COL9A3: variants seen among roughly 807,000 people sequenced by gnomAD.
COL9A3 encodes collagen alpha-3(IX) chain.
COL9A3 carries 82 observed loss-of-function variants against 110.2 expected under a neutral mutation model. That is an observed-to-expected ratio of 0.74 (90% CI 0.62 to 0.89). COL9A3 has a LOEUF of 0.89. COL9A3 is among the 40% of genes least tolerant of loss of function. The probability of loss-of-function intolerance (pLI) is 0.00; values close to 1 mark genes in which losing one functional copy is unlikely to be tolerated. For missense variants in COL9A3, 1,066 were observed against 981.3 expected (o/e 1.09, Z -1.15); for synonymous variants, 494 against 403.8 (o/e 1.22, Z -2.68).
chr20:62,820,096 C>T, intron 5 of COL9A3, 114 bp downstream of exon 5: 1 of 1,239,918 alleles, frequency 8.1e-7, no homozygotes, highest in Non-Finnish European at 1.2e-6. Flanking sequence ...GGACAGCTGC[C>T]CTGCCCGTGC....
At chr20:62,822,215 T>A in intron 9 of COL9A3, 51 bp downstream of exon 9, 1 of 1,045,232 alleles carries the variant, frequency 9.6e-7, no homozygotes, top group Non-Finnish European at 1.5e-6. Context: ...ACTAGGACAC[T>A]GGGTTGGACC....
At chr20:62,819,690 C>G (rs899853021) in intron 4 of COL9A3, among the ~76,000 whole-genome samples, 2 of 152,216 alleles carry the variant, frequency 1.3e-5, no homozygotes, top group African/African-American at 4.8e-5. Flanking sequence ...GTCCCCGAGG[C>G]CTGACTACAG....
chr20:62,822,788 C>T (rs1209850598), intron 10 of COL9A3, among the ~76,000 whole-genome samples, 156 bp downstream of exon 10: 1 of 152,048 alleles, frequency 6.6e-6, no homozygotes, highest in African/African-American at 2.4e-5. Flanking sequence ...CGGGCACAAC[C>T]TGGCAGAGAG....
chr20:62,836,181 C>T lies in COL9A3; in HGVS notation c.1402-6C>T, dbSNP rs201909515. 199 of 1,613,110 alleles carry T rather than the reference C, an allele frequency of 1.2e-4. 2 individuals carry two copies. The East Asian group carries it at 4.0e-3, about 32-fold the overall frequency. ...CCCTGACCCACCTTCCTCTGTTCCTCTGCAGTCTGGCAGTCGAGGGGAGCT... is the reference window on the plus strand; with the variant it reads ...CCCTGACCCACCTTCCTCTGTTCCTTTGCAGTCTGGCAGTCGAGGGGAGCT... On this transcript the variant is annotated splice_region_variant and splice_polypyrimidine_tract_variant and intron_variant, in intron 27 of 31. Coordinates refer to ENST00000649368, the MANE Select transcript of COL9A3 (RefSeq NM_001853.4).
intron 9 of COL9A3, 94 bp downstream of exon 9, chr20:62,822,258 C>G (rs2063518710): frequency 7.4e-6 from 6 of 806,344 alleles, no homozygotes; most frequent in Non-Finnish European, 1.3e-5. Flanking sequence ...CTCCATGCCC[C>G]TCCGAGATCT....
At chr20:62,818,241 A>G (rs1568746885) in intron 2 of COL9A3, among the ~76,000 whole-genome samples, 1 of 152,252 alleles carries the variant, frequency 6.6e-6, no homozygotes, top group East Asian at 1.9e-4. Context: ...GGGCTGCACC[A>G]AGAGCCCCCC....
At position 62,840,904 on chromosome 20, in the gene COL9A3, G is replaced by A. The variant is rs1055296025; in HGVS notation, c.*172G>A. On this transcript the variant is annotated 3_prime_UTR_variant, in exon 32 of 32. Transcript: ENST00000649368. Reference sequence around the variant, plus strand: ...CAGCGAGCACCCTCATCGGGCTGTCGCCTGACAGCATACCTCAAAAGGCCC... The same window carrying A: ...CAGCGAGCACCCTCATCGGGCTGTCACCTGACAGCATACCTCAAAAGGCCC... The A allele has an allele frequency of 2.5e-5, 17 of 672,956 alleles. No individual in the cohort carries two copies. Among genetic ancestry groups the A allele is most frequent in the Non-Finnish European group, 3.7e-5 (14 of 381,886 alleles). 41.7% of individuals were successfully genotyped at this position (672,956 alleles called of 1,614,324 possible).
chr20:62,833,103 G>A, intron 26 of COL9A3, 39 bp downstream of exon 26: 2 of 1,551,792 alleles, frequency 1.3e-6, no homozygotes, highest in Non-Finnish European at 1.8e-6. Context: ...CAACAGCTGG[G>A]AGCGAGGTCG....
intron 3 of COL9A3, 42 bp from the exon 4 acceptor site, chr20:62,819,180 C>T (rs1369718807): frequency 6.3e-7 from 1 of 1,590,966 alleles, no homozygotes; most frequent in Admixed American, 1.7e-5. Flanking sequence ...GGGCTCCAGG[C>T]CAGACCCCGC....
chr20:62,819,381 G>C, intron 4 of COL9A3, 88 bp downstream of exon 4: 1 of 1,294,570 alleles, frequency 7.7e-7, no homozygotes, highest in Non-Finnish European at 1.1e-6. Context: ...TGTCCAGCTG[G>C]GCCTGCTCAG....
chr20:62,821,113 C>G (rs2063508842), intron 5 of COL9A3, 68 bp from the exon 6 acceptor site: 25 of 1,518,504 alleles, frequency 1.6e-5, no homozygotes, highest in Non-Finnish European at 2.3e-5. Flanking sequence ...CGTCACACTT[C>G]AGAGGGAGGG....
At chr20:62,839,416 A>G (rs1367599858) in intron 31 of COL9A3, among the ~76,000 whole-genome samples, 1 of 152,224 alleles carries the variant, frequency 6.6e-6, no homozygotes, top group Non-Finnish European at 1.5e-5. Flanking sequence ...ATGCTTTGTC[A>G]CGGAGGGAGG....
chr20:62,818,212 C>A (rs1277417777), intron 2 of COL9A3, among the ~76,000 whole-genome samples: 4 of 152,178 alleles, frequency 2.6e-5, no homozygotes, highest in African/African-American at 9.7e-5. Flanking sequence ...GCTGTGTGGT[C>A]CCCGTGGAGG....
In COL9A3 at chr20:62,829,611, C is replaced by T; in HGVS notation, c.1054-17C>T. 12 of 1,609,514 alleles carry T rather than the reference C, an allele frequency of 7.5e-6. No individual in the cohort carries two copies. Among genetic ancestry groups the T allele is most frequent in the Non-Finnish European group, 1.0e-5 (12 of 1,178,676 alleles). Reference sequence around the variant, plus strand: ...TGCAGGTGTAGGCAGGCACTCACAGCTCTCCTTCCTCTACAGGGCAGAGCT... The same window carrying T: ...TGCAGGTGTAGGCAGGCACTCACAGTTCTCCTTCCTCTACAGGGCAGAGCT... On this transcript the variant is annotated splice_polypyrimidine_tract_variant and intron_variant, in intron 20 of 31. Transcript: ENST00000649368.
rs2063654385 is a variant in COL9A3, at chr20:62,838,866, T to G, written c.1864+105T>G. ...GTTATGAATGGGTCTCTTTTCCTCTTCTCTTGGCAAAGCAGTCTTAGAGAC... is the reference window on the plus strand; with the variant it reads ...GTTATGAATGGGTCTCTTTTCCTCTGCTCTTGGCAAAGCAGTCTTAGAGAC... On this transcript the variant is annotated intron_variant, in intron 31 of 31. Coordinates refer to ENST00000649368, the MANE Select transcript of COL9A3 (RefSeq NM_001853.4). The G allele has an allele frequency of 9.9e-6, 9 of 909,538 alleles. 1 individual carries two copies. The South Asian group carries it at 1.3e-4, about 13-fold the overall frequency. The allele number at this position is 909,538 out of a possible 1,614,324, so 56.3% of individuals were successfully genotyped here.
Position 62,836,411 on chromosome 20 carries a change from G to A in COL9A3, c.1549-67G>A, listed in dbSNP as rs771351192. The A allele has an allele frequency of 3.7e-6, 6 of 1,613,866 alleles. No individual in the cohort carries two copies. In the Admixed American group the frequency reaches 1.0e-4, roughly 27 times the overall value. On this transcript the variant is annotated intron_variant, in intron 28 of 31. Transcript: ENST00000649368. Reference sequence around the variant, plus strand: ...TTCCGGAAGGAAGTTACTTTGCGGGGTGACGGTGGGAATGCCTCACCGAGG... The same window carrying A: ...TTCCGGAAGGAAGTTACTTTGCGGGATGACGGTGGGAATGCCTCACCGAGG...
chr20:62,821,640 A>G, intron 7 of COL9A3, 110 bp downstream of exon 7: 1 of 1,560,526 alleles, frequency 6.4e-7, no homozygotes, highest in African/African-American at 1.4e-5. Context: ...AGGGGCAGCC[A>G]TCTGACCACC....
chr20:62,821,370 G>A, intron 6 of COL9A3, 137 bp from the exon 7 acceptor site: 1 of 1,358,884 alleles, frequency 7.4e-7, no homozygotes. Flanking sequence ...GGGTCCTGGT[G>A]CCCTCTCTGG....
chr20:62,840,456 A>G, intron 31 of COL9A3, 86 bp from the exon 32 acceptor site: 1 of 1,252,214 alleles, frequency 8.0e-7, no homozygotes, highest in Non-Finnish European at 1.2e-6. Flanking sequence ...CAGATGGAAG[A>G]GCAGGGCTTG....
Sources: allele counts gnomAD v4.1 joint callset (sites outside exome capture counted in the v4.1 genomes callset), GRCh38; gene constraint gnomAD v4.1.1; transcripts MANE v1.5; gene names NCBI Gene and HGNC (gene_info 2026-07-23, HGNC 2026-07-21).